IL34: variants seen among roughly 807,000 people sequenced by gnomAD.
IL34 encodes the protein interleukin 34, also known as interleukin-34.
A neutral mutation model predicts 25.3 loss-of-function variants in IL34; 17 were observed. The observed-to-expected ratio is 0.67, with a 90% CI of 0.46 to 1.01. The LOEUF is 1.01. IL34 is among the 50% of genes least tolerant of loss of function. The pLI is 0.00. For synonymous variants in IL34, 174 were observed against 140.9 expected (o/e 1.23, Z -1.66); for missense variants, 368 against 312.9 (o/e 1.18, Z -1.33).
At position 70,600,951 on chromosome 16, in the gene IL34, AG is replaced by A. The variant is rs1467585485; in HGVS notation, c.-401+20906del. Among the ~76,000 whole-genome samples, 424 of 141,510 alleles carry A rather than the reference AG, an allele frequency of 3.0e-3. 2 individuals carry two copies. Among genetic ancestry groups the A allele is most frequent in the African/African-American group, 0.012 (395 of 33,364 alleles). 92.8% of individuals were successfully genotyped at this position (141,510 alleles called of 152,430 possible). ...CAGAAGCAGGGCTGCTGGGAGGAGT[AG>A]GGGATGCTGGGAGAAGTAGGGGATG... is the stretch of plus-strand genomic sequence containing the variant. On this transcript the variant is annotated intron_variant, in intron 1 of 6. Coordinates refer to the IL34 transcript ENST00000429149.
rs1232570173 is a variant in IL34 at position 70,657,167 on chromosome 16, A to T, written c.402+46A>T. 4.4e-6 allele frequency: 7 copies of T among 1,588,710 alleles called. No individual in the cohort carries two copies. In the South Asian group the frequency reaches 8.0e-5, roughly 18 times the overall value. ...GCAGGTGGGGTGTGTGTGTGTGCAC[A>T]CGTGTGTACATGTGTGTGAGGTGTG... On this transcript the variant is annotated intron_variant, in intron 4 of 5. Coordinates refer to ENST00000288098, the MANE Select transcript of IL34 (RefSeq NM_001393494.1).
At chr16:70,598,275 A>C (rs1597738762) in intron 1 of IL34, among the ~76,000 whole-genome samples, 3 of 152,138 alleles carry the variant, frequency 2.0e-5, no homozygotes, top group Admixed American at 1.3e-4. Context: ...CTTAGAGGTC[A>C]CCTTCCTATA....
At chr16:70,583,175 C>T (rs552724097) in intron 1 of IL34, among the ~76,000 whole-genome samples, 8 of 151,746 alleles carry the variant, frequency 5.3e-5, no homozygotes, top group Non-Finnish European at 7.4e-5. Context: ...TGCAGTGTCC[C>T]GATTTCAGCT....
chr16:70,657,069 A>G lies in IL34; in HGVS notation c.350A>G (p.Lys117Arg). ...CTGCTCGAGGGCCACCCATCCTGGA[A>G]GTACCTGCAGGAGGTGGAGACGCTG... ...DVLLEGHPSW[K>R]YLQEVETLLL... is the part of the protein sequence containing the mutation. The change falls in exon 4 of 6, where the codon AAG becomes AGG. Residue 117 changes from lysine (K) to arginine (R), a missense_variant. By Grantham distance (26) the Lys-to-Arg change is conservative. Coordinates refer to ENST00000288098, the MANE Select transcript of IL34 (RefSeq NM_001393494.1). 6.2e-7 allele frequency: 1 copy of G among 1,613,140 alleles called. No homozygotes were observed. The highest frequency in any genetic ancestry group is 1.1e-5 in the South Asian group (1 of 91,020).
intron 3 of IL34, 24 bp from the exon 4 acceptor site, chr16:70,656,936 G>A: frequency 6.3e-7 from 1 of 1,592,888 alleles, no homozygotes; most frequent in Non-Finnish European, 8.6e-7. Context: ...CTCCCGAGTT[G>A]CAGTGACTTC....
chr16:70,612,659 A>C (rs1324050385), intron 1 of IL34, among the ~76,000 whole-genome samples: 3 of 152,228 alleles, frequency 2.0e-5, no homozygotes, highest in Non-Finnish European at 4.4e-5. Flanking sequence ...ACTTTTTGAC[A>C]GGTATAAAGT....
intron 1 of IL34, among the ~76,000 whole-genome samples, chr16:70,621,628 A>G (rs2051284225): frequency 6.6e-6 from 1 of 152,064 alleles, no homozygotes; most frequent in Non-Finnish European, 1.5e-5. Context: ...CGTCCGTGTG[A>G]AGAGACCATC....
intron 1 of IL34, among the ~76,000 whole-genome samples, chr16:70,599,958 G>A (rs913380127): frequency 2.6e-5 from 4 of 152,160 alleles, no homozygotes; most frequent in South Asian, 2.1e-4. Context: ...GGGATTACAG[G>A]TATGAGTCAT....
chr16:70,635,642 C>T (rs1054903546), intron 1 of IL34, among the ~76,000 whole-genome samples: 1 of 152,324 alleles, frequency 6.6e-6, no homozygotes, highest in Admixed American at 6.5e-5. Flanking sequence ...CGCTGGGTTT[C>T]TTTCTTGCCT....
At chr16:70,636,669 C>T (rs771729437) in intron 1 of IL34, among the ~76,000 whole-genome samples, 4 of 151,254 alleles carry the variant, frequency 2.6e-5, no homozygotes, top group Non-Finnish European at 5.9e-5. Context: ...GTGGTCCTAG[C>T]AGTGTGGGAG....
intron 1 of IL34, among the ~76,000 whole-genome samples, chr16:70,649,268 C>T (rs532996853): frequency 1.0e-3 from 158 of 152,284 alleles, no homozygotes; most frequent in South Asian, 3.9e-3. Flanking sequence ...AGGAGCAGCT[C>T]GGGGCCTTTT....
At chr16:70,629,782 G>T (rs530021507) in intron 1 of IL34, among the ~76,000 whole-genome samples, 23 of 151,744 alleles carry the variant, frequency 1.5e-4, no homozygotes, top group Non-Finnish European at 3.2e-4. Flanking sequence ...ATTTTGATAC[G>T]GGAATTCAAT....
chr16:70,602,156 C>A (rs896994123), intron 1 of IL34, among the ~76,000 whole-genome samples: 1 of 152,180 alleles, frequency 6.6e-6, no homozygotes, highest in African/African-American at 2.4e-5. Flanking sequence ...TGCAGTGAGC[C>A]GTGGAGGCCA....
At chr16:70,602,583 ATGTGTGTGTGTGTGTGTGTG>A (rs3058045) in intron 1 of IL34, among the ~76,000 whole-genome samples, 6 of 135,050 alleles carry the variant, frequency 4.4e-5, no homozygotes, top group Admixed American at 7.4e-5. Flanking sequence ...TTTGGAATTG[ATGTGTGTGTGTGTGTGTGTG>A]TGTGTGTGTG....
At chr16:70,639,630 A>AG (rs1287217239) in intron 1 of IL34, among the ~76,000 whole-genome samples, 18 of 152,282 alleles carry the variant, frequency 1.2e-4, no homozygotes, top group Non-Finnish European at 1.6e-4. Context: ...CTTGAGCTTG[A>AG]CCCTGTTCCC....
At chr16:70,617,316 A>T (rs2051187722) in intron 1 of IL34, among the ~76,000 whole-genome samples, 1 of 152,220 alleles carries the variant, frequency 6.6e-6, no homozygotes. Context: ...TTATTTATTT[A>T]CTTCAAGAGT....
At chr16:70,650,985 T>A (rs1489145583) in intron 1 of IL34, among the ~76,000 whole-genome samples, 2 of 151,888 alleles carry the variant, frequency 1.3e-5, no homozygotes, top group Non-Finnish European at 2.9e-5. Context: ...CCGAGGTGAG[T>A]GGATCACGAG....
chr16:70,587,193 G>C (rs2050704782), intron 1 of IL34, among the ~76,000 whole-genome samples: 1 of 152,084 alleles, frequency 6.6e-6, no homozygotes, highest in Non-Finnish European at 1.5e-5. Flanking sequence ...GGTGGCCACT[G>C]AGCCACCCTA....
chr16:70,624,864 G>C (rs994891193), intron 1 of IL34, among the ~76,000 whole-genome samples: 3 of 151,860 alleles, frequency 2.0e-5, no homozygotes, highest in African/African-American at 7.3e-5. Context: ...CTGTAGAAAA[G>C]GAAGATTAGA....
Sources: allele counts gnomAD v4.1 joint callset (sites outside exome capture counted in the v4.1 genomes callset), GRCh38; gene constraint gnomAD v4.1.1; transcripts MANE v1.5; gene names NCBI Gene and HGNC (gene_info 2026-07-23, HGNC 2026-07-21).